ZSWIM6: variants seen among roughly 807,000 people sequenced by gnomAD.
ZSWIM6 encodes the protein zinc finger SWIM domain-containing protein 6.
In ZSWIM6, 9 loss-of-function variants were observed where a neutral mutation model predicts 113.2. That is an observed-to-expected ratio of 0.08 (90% CI 0.05 to 0.14). ZSWIM6 has a LOEUF of 0.14. ZSWIM6 is among the 10% of genes least tolerant of loss of function. The pLI is 1.00. For synonymous variants in ZSWIM6, 611 were observed against 606.5 expected, an observed-to-expected ratio of 1.01 and a Z score of -0.11; for missense variants, 1,162 against 1,552.2, an observed-to-expected ratio of 0.75 and a Z score of 4.22.
chr5:61,498,023 C>G (rs1279152824), intron 4 of ZSWIM6, among the ~76,000 whole-genome samples: 1 of 152,156 alleles, frequency 6.6e-6, no homozygotes, highest in African/African-American at 2.4e-5. Context: ...AGGGGATACA[C>G]TGTAACCTCG....
intron 7 of ZSWIM6, among the ~76,000 whole-genome samples, chr5:61,529,253 A>G (rs900455758): frequency 2.0e-5 from 3 of 152,248 alleles, no homozygotes; most frequent in South Asian, 2.1e-4. Flanking sequence ...ACTTTAGTAA[A>G]CACTTAGATG....
chr5:61,525,536 C>G (rs1322950566), intron 5 of ZSWIM6, among the ~76,000 whole-genome samples: 9 of 152,150 alleles, frequency 5.9e-5, no homozygotes, highest in African/African-American at 2.2e-4. Context: ...CTTGACAATT[C>G]TTTTTGCAGG....
At chr5:61,521,575 G>T (rs1749122568) in intron 5 of ZSWIM6, 133 bp downstream of exon 5, 2 of 587,584 alleles carry the variant, frequency 3.4e-6, no homozygotes, top group African/African-American at 3.9e-5. Context: ...TACTTAATAT[G>T]TGTTGACTGT....
At chr5:61,469,418 C>T (rs1268409676) in intron 1 of ZSWIM6, among the ~76,000 whole-genome samples, 1 of 152,160 alleles carries the variant, frequency 6.6e-6, no homozygotes, top group Non-Finnish European at 1.5e-5. Flanking sequence ...GAGTGTTATG[C>T]TGTAAGACAT....
At chr5:61,437,717 CAAAAAAA>C (rs1177075747) in intron 1 of ZSWIM6, among the ~76,000 whole-genome samples, 6 of 56,868 alleles carry the variant, frequency 1.1e-4, no homozygotes, top group Admixed American at 8.4e-4. Context: ...ACCCTTTCTC[CAAAAAAA>C]AAAAAAAAAA....
intron 1 of ZSWIM6, among the ~76,000 whole-genome samples, chr5:61,424,030 C>G (rs1746411084): frequency 6.6e-6 from 1 of 152,124 alleles, no homozygotes; most frequent in African/African-American, 2.4e-5. Flanking sequence ...TGCTGATGGC[C>G]AGTTTTTGAA....
intron 8 of ZSWIM6, 71 bp from the exon 9 acceptor site, chr5:61,531,394 A>T: frequency 6.8e-7 from 1 of 1,466,506 alleles, no homozygotes. Context: ...GGGAAGTATA[A>T]ATATTTGTAC....
chr5:61,395,713 T>C (rs1745823946), intron 1 of ZSWIM6, among the ~76,000 whole-genome samples: 1 of 152,204 alleles, frequency 6.6e-6, no homozygotes. Flanking sequence ...AGACATTCTA[T>C]TCACTTGACC....
chr5:61,423,811 T>A (rs575329273), intron 1 of ZSWIM6, among the ~76,000 whole-genome samples: 1 of 152,184 alleles, frequency 6.6e-6, no homozygotes, highest in Non-Finnish European at 1.5e-5. Flanking sequence ...TGTTTGAAAG[T>A]TCAGCTTTTC....
intron 1 of ZSWIM6, among the ~76,000 whole-genome samples, chr5:61,436,587 T>C (rs1454642273): frequency 2.0e-5 from 3 of 152,258 alleles, no homozygotes; most frequent in Non-Finnish European, 4.4e-5. Flanking sequence ...TACTTACTTC[T>C]AGCATTCATG....
intron 1 of ZSWIM6, among the ~76,000 whole-genome samples, chr5:61,467,368 T>G (rs1747458207): frequency 6.6e-6 from 1 of 152,238 alleles, no homozygotes; most frequent in African/African-American, 2.4e-5. Flanking sequence ...CTATTTAATG[T>G]CTGTATCAAA....
At chr5:61,541,825 CTTTT>C in intron 12 of ZSWIM6, 55 bp from the exon 13 acceptor site, 1 of 1,403,944 alleles carries the variant, frequency 7.1e-7, no homozygotes, top group South Asian at 1.3e-5. Context: ...TATCCCCCCC[CTTTT>C]TTTTCATTGA....
At chr5:61,365,278 G>A (rs1745127058) in intron 1 of ZSWIM6, among the ~76,000 whole-genome samples, 1 of 152,026 alleles carries the variant, frequency 6.6e-6, no homozygotes, top group Non-Finnish European at 1.5e-5. Context: ...GTTGAACCCA[G>A]GAGGCAGAGG....
chr5:61,517,759 AT>A (rs199798959), intron 4 of ZSWIM6, among the ~76,000 whole-genome samples: 1,614 of 149,260 alleles, frequency 0.011, 26 homozygotes, highest in African/African-American at 0.038. Context: ...TCCTCAGGAG[AT>A]TTTTTTTTAA....
chr5:61,349,254 G>T (rs1744734834), intron 1 of ZSWIM6, among the ~76,000 whole-genome samples: 1 of 152,106 alleles, frequency 6.6e-6, no homozygotes, highest in African/African-American at 2.4e-5. Flanking sequence ...AGTGAAAGAT[G>T]AATCTGCTAG....
intron 4 of ZSWIM6, among the ~76,000 whole-genome samples, chr5:61,510,394 C>T (rs1436790989): frequency 2.6e-5 from 4 of 151,988 alleles, no homozygotes; most frequent in African/African-American, 9.7e-5. Context: ...TATTAGTGTT[C>T]TGCCTCAGCA....
At chr5:61,515,732 C>G (rs1748916678) in intron 4 of ZSWIM6, among the ~76,000 whole-genome samples, 2 of 152,090 alleles carry the variant, frequency 1.3e-5, no homozygotes, top group African/African-American at 2.4e-5. Context: ...GCTACTTGTT[C>G]TGTTAGTTAC....
intron 1 of ZSWIM6, among the ~76,000 whole-genome samples, chr5:61,460,401 C>A (rs976914745): frequency 6.6e-6 from 1 of 152,104 alleles, no homozygotes; most frequent in Non-Finnish European, 1.5e-5. Context: ...TGAGTTCTTA[C>A]AGCGGTTACC....
intron 2 of ZSWIM6, among the ~76,000 whole-genome samples, chr5:61,480,546 A>G (rs2112197792): frequency 6.6e-6 from 1 of 152,310 alleles, no homozygotes; most frequent in South Asian, 2.1e-4. Context: ...ATGTGGAGTG[A>G]CCATAGAGGA....
Sources: allele counts gnomAD v4.1 joint callset (sites outside exome capture counted in the v4.1 genomes callset), GRCh38; gene constraint gnomAD v4.1.1; transcripts MANE v1.5; gene names NCBI Gene and HGNC (gene_info 2026-07-23, HGNC 2026-07-21).